Variants in VPS13D observed in about 807,000 individuals in gnomAD.
VPS13D encodes vacuolar protein sorting 13 homolog D, also known as intermembrane lipid transfer protein VPS13D.
A neutral mutation model predicts 461.9 loss-of-function variants in VPS13D; 187 were observed. The observed-to-expected ratio is 0.40, with a 90% CI of 0.36 to 0.46. VPS13D has a LOEUF of 0.46. VPS13D is among the 20% of genes least tolerant of loss of function. The pLI is 0.60. For synonymous variants in VPS13D, 1,951 were observed against 1,986.3 expected (o/e 0.98, Z 0.47); for missense variants, 4,711 against 5,364.9 (o/e 0.88, Z 3.81).
chr1:12,249,411 A>G, intron 6 of VPS13D, 72 bp downstream of exon 6: 1 of 1,217,918 alleles, frequency 8.2e-7, no homozygotes, highest in South Asian at 1.3e-5. Context: ...GCCTTTTGCC[A>G]TTTTGTGTTA....
chr1:12,353,052 C>CA (rs1230721714), intron 46 of VPS13D, among the ~76,000 whole-genome samples: 1 of 145,424 alleles, frequency 6.9e-6, no homozygotes, highest in Non-Finnish European at 1.5e-5. Flanking sequence ...GATATATGTC[C>CA]AAAAAATACT....
At position 12,335,761 on chromosome 1, in the gene VPS13D, G is replaced by A. The variant is rs752303665; in HGVS notation, c.8485G>A (p.Asp2829Asn). 1.2e-6 allele frequency: 2 copies of A among 1,614,158 alleles called. No individual in the cohort carries two copies. Among genetic ancestry groups the A allele is most frequent in the Middle Eastern group, 1.7e-4 (1 of 6,060 alleles). The change falls in exon 39 of 70, where the codon GAC becomes AAC. Residue 2829 changes from aspartate to asparagine, a missense_variant. Transcript: ENST00000620676. The part of the protein sequence containing the change: ...WMADYCKDDK[D>N]IESAKSEDWM... ...GGCAGATTACTGTAAAGATGACAAG[G>A]ACATAGAGTCAGCTAAATCAGAAGA...
rs1292798384 is a variant in VPS13D at position 12,279,734 on chromosome 1, TGGAA to T, written c.4602+89_4602+92del. ...ATATATATTTATGTATATTACATGT[TGGAA>T]GGAATATATATTTTCAAAGATATAT... On this transcript the variant is annotated intron_variant, in intron 20 of 69. Transcript: ENST00000620676. This position sits in a 1 kb window ranked among gnomAD's most constrained non-coding sequence, Gnocchi z 4.3. The T allele has an allele frequency of 8.5e-7, 1 of 1,182,540 alleles. No individual in the cohort carries two copies. The highest frequency in any genetic ancestry group is 1.1e-6 in the Non-Finnish European group (1 of 885,776). The allele number at this position is 1,182,540 out of a possible 1,614,324, so 73.3% of individuals were successfully genotyped here. A position where few individuals can be genotyped will look rare whatever the true frequency, so the allele number is the denominator to read the frequency against.
chr1:12,266,840 C>T (rs569577165), intron 13 of VPS13D, 41 bp from the exon 14 acceptor site: 1 of 1,451,304 alleles, frequency 6.9e-7, no homozygotes, highest in East Asian at 2.4e-5. Context: ...ACATTAGGCT[C>T]TCATAAGCAT....
Position 12,345,525 on chromosome 1 carries a change from G to A in VPS13D, c.9021+16G>A. ...TTCCTCTACGGTGTGTGACATTCAGGAAGTCAGATGGTTAAGCGACTGTCA... is the reference window on the plus strand; with the variant it reads ...TTCCTCTACGGTGTGTGACATTCAGAAAGTCAGATGGTTAAGCGACTGTCA... On this transcript the variant is annotated intron_variant, in intron 43 of 69. Coordinates refer to ENST00000620676, the MANE Select transcript of VPS13D (RefSeq NM_015378.4). 1.9e-6 allele frequency: 3 copies of A among 1,600,660 alleles called. No homozygotes were observed. The highest frequency in any genetic ancestry group is 2.6e-6 in the Non-Finnish European group (3 of 1,168,942).
At chr1:12,285,982 C>G (rs960054304) in intron 21 of VPS13D, among the ~76,000 whole-genome samples, 2 of 114,418 alleles carry the variant, frequency 1.7e-5, no homozygotes, top group African/African-American at 7.4e-5. Flanking sequence ...CCTTTCCTTT[C>G]CTTTCCTTTC....
intron 67 of VPS13D, among the ~76,000 whole-genome samples, chr1:12,460,919 C>T (rs893920366): frequency 6.6e-6 from 1 of 152,096 alleles, no homozygotes; most frequent in Admixed American, 6.5e-5. Flanking sequence ...AGCCCCAACC[C>T]CATAAAGAAA....
chr1:12,321,833 G>A lies in VPS13D; in HGVS notation c.7573G>A (p.Glu2525Lys), dbSNP rs1245867387. ...IEVFSCRLGN[E>K]HDTALSIVDP... Reference sequence around the variant, plus strand: ...GGTGTTTTCATGCCGACTAGGGAATGAGCATGATACAGCTCTTTCAATTGT... The same window carrying A: ...GGTGTTTTCATGCCGACTAGGGAATAAGCATGATACAGCTCTTTCAATTGT... The change falls in exon 33 of 70, where the codon GAG (glutamate) becomes AAG (lysine). Residue 2525 changes from glutamate to lysine, a missense_variant. By Grantham distance (56) the Glu-to-Lys change is moderately conservative. Transcript: ENST00000620676. 2 of 1,604,162 alleles carry A rather than the reference G, an allele frequency of 1.2e-6. No homozygotes were observed. Among genetic ancestry groups the A allele is most frequent in the Admixed American group, 1.7e-5 (1 of 57,200 alleles).
At chr1:12,371,624 T>C (rs1361356866) in intron 54 of VPS13D, among the ~76,000 whole-genome samples, 6 of 152,004 alleles carry the variant, frequency 3.9e-5, no homozygotes, top group Non-Finnish European at 7.4e-5. Flanking sequence ...AACTCCTGAC[T>C]TCAGGCGATC....
chr1:12,289,942 T>TA (rs943951300), intron 22 of VPS13D, among the ~76,000 whole-genome samples: 15 of 146,670 alleles, frequency 1.0e-4, no homozygotes, highest in South Asian at 2.2e-4. Flanking sequence ...TCTCAAAAAA[T>TA]AAAAAAAAAA....
intron 2 of VPS13D, among the ~76,000 whole-genome samples, chr1:12,235,009 C>T (rs958343624): frequency 6.6e-6 from 1 of 152,190 alleles, no homozygotes; most frequent in African/African-American, 2.4e-5. Context: ...CATGGGAATT[C>T]GAAAACTGCA....
Position 12,467,518 on chromosome 1 carries a change from A to G in VPS13D, c.12662+7122A>G, listed in dbSNP as rs542819260. Among the ~76,000 whole-genome samples the G allele has an allele frequency of 1.4e-4, 21 of 152,280 alleles. No homozygotes were observed. The South Asian group carries it at 4.1e-3, about 30-fold the overall frequency. ...ATCTTAACAGTCCTTCATGCCTTAT[A>G]AGTTAAAATTCCTCTCACAGGAACG... On this transcript the variant is annotated intron_variant, in intron 67 of 69. Transcript: ENST00000620676.
At chr1:12,371,138 A>G (rs994038134) in intron 54 of VPS13D, among the ~76,000 whole-genome samples, 1 of 152,122 alleles carries the variant, frequency 6.6e-6, no homozygotes, top group Non-Finnish European at 1.5e-5. Flanking sequence ...TTGTGCCACC[A>G]CCACCTCTTC....
chr1:12,291,260 TGAG>T, intron 23 of VPS13D, 136 bp downstream of exon 23: 1 of 941,442 alleles, frequency 1.1e-6, no homozygotes. Context: ...GTTATGGTTA[TGAG>T]GAGTTCTTCC....
chr1:12,336,317 A>C, intron 39 of VPS13D: 1 of 153,774 alleles, frequency 6.5e-6, no homozygotes, highest in South Asian at 2.0e-4. Context: ...TGCTGTTCAT[A>C]GAGTATAAAA....
At chr1:12,338,357 C>T (rs761277328) in intron 40 of VPS13D, 52 bp downstream of exon 40, 5 of 1,556,692 alleles carry the variant, frequency 3.2e-6, no homozygotes, top group Admixed American at 1.7e-5. Context: ...TTAAGAACTT[C>T]CTTGTACATC....
At position 12,327,947 on chromosome 1, in the gene VPS13D, A is replaced by T. The variant is rs1340377430; in HGVS notation, c.8197+93A>T. ...TTTTTTTTTTTGTCATTCATACTCTATTTAGTCATTTGGGTGAAATTTAGA... is the reference window on the plus strand; with the variant it reads ...TTTTTTTTTTTGTCATTCATACTCTTTTTAGTCATTTGGGTGAAATTTAGA... On this transcript the variant is annotated intron_variant, in intron 36 of 69. Coordinates refer to ENST00000620676, the MANE Select transcript of VPS13D (RefSeq NM_015378.4). 5 of 1,208,326 alleles carry T rather than the reference A, an allele frequency of 4.1e-6. No individual in the cohort carries two copies. The African/African-American group carries it at 7.8e-5, about 19-fold the overall frequency. 74.9% of individuals were successfully genotyped at this position (1,208,326 alleles called of 1,614,324 possible). A position where few individuals can be genotyped will look rare whatever the true frequency, so the allele number is the denominator to read the frequency against.
At chr1:12,376,104 C>T (rs911769012) in intron 55 of VPS13D, among the ~76,000 whole-genome samples, 6 of 152,234 alleles carry the variant, frequency 3.9e-5, no homozygotes, top group African/African-American at 1.4e-4. Flanking sequence ...CAGTCTGCAG[C>T]ATCTACAGGA....
intron 65 of VPS13D, among the ~76,000 whole-genome samples, chr1:12,437,949 A>T (rs1000008972): frequency 3.3e-5 from 5 of 152,144 alleles, no homozygotes; most frequent in Admixed American, 3.3e-4. Context: ...TGGTTGGCAA[A>T]TGTGGCAATG....
Sources: gnomAD v4.1 joint callset for allele counts (sites outside exome capture counted in the v4.1 genomes callset) on GRCh38, gnomAD v4.1.1 for gene constraint, Gnocchi (gnomAD v3.1) non-coding constraint, MANE v1.5 for transcripts, NCBI Gene and HGNC (gene_info 2026-07-23, HGNC 2026-07-21) for gene names.